The following RELCH variants were observed in gnomAD, a reference collection of about 807,000 sequenced individuals.
The protein encoded by RELCH is RAB11-binding protein RELCH.
A neutral mutation model predicts 150.3 loss-of-function variants in RELCH; 41 were observed. The observed-to-expected ratio is 0.27, with a 90% CI of 0.21 to 0.35. RELCH has a LOEUF of 0.35. RELCH is among the 10% of genes least tolerant of loss of function. RELCH has a pLI of 1.00. For missense variants in RELCH, 1,092 were observed against 1,467.8 expected (o/e 0.74, Z 4.18); for synonymous variants, 478 against 531.8 (o/e 0.90, Z 1.39).
intron 28 of RELCH, among the ~76,000 whole-genome samples, chr18:62,304,917 A>G (rs758293941): frequency 1.4e-4 from 22 of 152,254 alleles, no homozygotes; most frequent in Non-Finnish European, 2.2e-4. Context: ...TCAGCACAGC[A>G]CAAAACTTCA....
chr18:62,305,033 C>G lies in RELCH; in HGVS notation c.3531-381C>G, dbSNP rs1354241246. Among the ~76,000 whole-genome samples the G allele has an allele frequency of 6.6e-6, 1 of 152,226 alleles. No individual in the cohort carries two copies. The highest frequency in any genetic ancestry group is 1.5e-5 in the Non-Finnish European group (1 of 68,040). ...AAAGAATAACTACTAACAATTACAT[C>G]ATGCTATTATGTGCCTAGCACTATA... On this transcript the variant is annotated intron_variant, in intron 28 of 28. Coordinates refer to ENST00000644646, the MANE Select transcript of RELCH (RefSeq NM_001346231.2). This position sits in a 1 kb window ranked among gnomAD's most constrained non-coding sequence, Gnocchi z 4.0.
At chr18:62,199,352 T>C (rs1226417096) in intron 1 of RELCH, among the ~76,000 whole-genome samples, 2 of 152,176 alleles carry the variant, frequency 1.3e-5, no homozygotes, top group Non-Finnish European at 2.9e-5. Context: ...GAAATGTTTG[T>C]GTGTAGATGT....
chr18:62,261,725 T>G (rs1455973473), intron 16 of RELCH, 67 bp downstream of exon 16: 7 of 1,438,126 alleles, frequency 4.9e-6, no homozygotes, highest in Non-Finnish European at 6.6e-6. Context: ...AAGAATTGTT[T>G]TTTATTAAAA....
chr18:62,198,087 C>T (rs868540638), intron 1 of RELCH, among the ~76,000 whole-genome samples: 50 of 152,324 alleles, frequency 3.3e-4, no homozygotes, highest in African/African-American at 1.1e-3. Context: ...CACTAAGTCA[C>T]AGATGAATAA....
At chr18:62,275,292 C>A in intron 21 of RELCH, 82 bp from the exon 22 acceptor site, 1 of 628,328 alleles carries the variant, frequency 1.6e-6, no homozygotes, top group Non-Finnish European at 2.7e-6. Flanking sequence ...ATTAATATTC[C>A]TTATAAATAT....
At chr18:62,218,514 A>G (rs1506327) in intron 2 of RELCH, among the ~76,000 whole-genome samples, 48,415 of 151,718 alleles carry the variant, frequency 0.32, 8,277 homozygotes, top group East Asian at 0.59. Context: ...ACATAGTTGT[A>G]CATCTCATAA....
intron 5 of RELCH, among the ~76,000 whole-genome samples, chr18:62,226,356 C>T (rs1209584079): frequency 2.0e-5 from 3 of 151,978 alleles, no homozygotes; most frequent in African/African-American, 7.2e-5. Context: ...CTGTTGAACA[C>T]GTTTTAATAC....
In RELCH at chr18:62,258,503, C is replaced by T. The variant is rs768600911; in HGVS notation, c.2038-9C>T. 8.8e-6 allele frequency: 14 copies of T among 1,596,430 alleles called. No individual in the cohort carries two copies. In the African/African-American group the frequency reaches 1.9e-4, roughly 22 times the overall value. ...TAAAAATCTACATTTGCCTTTTTCT[C>T]ATTGACAGGGTTTTGAATTGTTGCT... On this transcript the variant is annotated splice_polypyrimidine_tract_variant and intron_variant, in intron 14 of 28. Transcript: ENST00000644646.
chr18:62,253,758 C>T (rs2042850960), intron 12 of RELCH, among the ~76,000 whole-genome samples: 1 of 152,128 alleles, frequency 6.6e-6, no homozygotes, highest in African/African-American at 2.4e-5. Context: ...AACTACCTGT[C>T]ACAATCCCTT....
intron 15 of RELCH, among the ~76,000 whole-genome samples, chr18:62,260,073 G>A (rs1425041354): frequency 1.3e-5 from 2 of 150,392 alleles, no homozygotes; most frequent in Non-Finnish European, 3.0e-5. Flanking sequence ...AAGCTTCCGC[G>A]CAGCAAAGGA....
chr18:62,235,908 G>C (rs754894644), intron 10 of RELCH, among the ~76,000 whole-genome samples: 15 of 151,984 alleles, frequency 9.9e-5, no homozygotes, highest in Non-Finnish European at 2.2e-4. Context: ...TAGAGAGATA[G>C]TTTTGCTTCT....
chr18:62,196,406 T>A (rs954345029), intron 1 of RELCH, among the ~76,000 whole-genome samples: 1 of 152,124 alleles, frequency 6.6e-6, no homozygotes, highest in African/African-American at 2.4e-5. Flanking sequence ...ATTTTTGTAT[T>A]TTTGGTAGAG....
chr18:62,195,280 C>CTGTGTG (rs148387504), intron 1 of RELCH, among the ~76,000 whole-genome samples: 2,373 of 136,288 alleles, frequency 0.017, 42 homozygotes, highest in African/African-American at 0.04. Context: ...TACACACACT[C>CTGTGTG]TGTGTGTGTG....
chr18:62,294,644 T>A (rs895671907), intron 27 of RELCH, among the ~76,000 whole-genome samples: 7 of 152,218 alleles, frequency 4.6e-5, no homozygotes, highest in Non-Finnish European at 7.3e-5. Flanking sequence ...CTTTTCATAT[T>A]TTTGGCATCT....
At chr18:62,233,606 T>C (rs752801221) in intron 10 of RELCH, among the ~76,000 whole-genome samples, 43 of 152,026 alleles carry the variant, frequency 2.8e-4, no homozygotes, top group Non-Finnish European at 4.4e-4. Flanking sequence ...GAAAGTCTTA[T>C]ATGTCTTGAA....
At chr18:62,199,823 T>C (rs2039309439) in intron 1 of RELCH, among the ~76,000 whole-genome samples, 1 of 152,194 alleles carries the variant, frequency 6.6e-6, no homozygotes, top group Non-Finnish European at 1.5e-5. Context: ...CACTCCCTCA[T>C]TGCATGACTC....
intron 17 of RELCH, 25 bp from the exon 18 acceptor site, chr18:62,264,704 T>C (rs746231937): frequency 6.5e-6 from 10 of 1,540,214 alleles, no homozygotes; most frequent in Non-Finnish European, 8.9e-6. Flanking sequence ...ATCCCCTGCC[T>C]ATTTTTCTTT....
chr18:62,211,020 G>A (rs1267185703), intron 1 of RELCH, 133 bp from the exon 2 acceptor site: 3 of 538,872 alleles, frequency 5.6e-6, no homozygotes, highest in Non-Finnish European at 9.7e-6. Flanking sequence ...TTGTTCTGTT[G>A]TTGTTGTTTT....
At chr18:62,269,021 A>T in intron 20 of RELCH, 73 bp downstream of exon 20, 1 of 665,920 alleles carries the variant, frequency 1.5e-6, no homozygotes, top group Non-Finnish European at 2.5e-6. Context: ...TGTCTTCTTA[A>T]TGTAAGTGAC....
Sources: gnomAD v4.1 joint callset for allele counts (sites outside exome capture counted in the v4.1 genomes callset) on GRCh38, gnomAD v4.1.1 for gene constraint, Gnocchi (gnomAD v3.1) non-coding constraint, MANE v1.5 for transcripts, NCBI Gene and HGNC (gene_info 2026-07-23, HGNC 2026-07-21) for gene names.